The following C1orf87 variants were observed in gnomAD, a reference collection of about 807,000 sequenced individuals.
The protein encoded by C1orf87 is uncharacterized protein C1orf87.
C1orf87 carries 58 observed loss-of-function variants against 60.5 expected under a neutral mutation model. That is an observed-to-expected ratio of 0.96 (90% CI 0.78 to 1.19). The LOEUF (loss-of-function observed/expected upper bound fraction) is 1.19. C1orf87 is among the 50% of genes most tolerant of loss of function. The pLI, the probability that C1orf87 is intolerant of heterozygous loss-of-function variation, is 0.00. For missense variants in C1orf87, 673 were observed against 638.6 expected (o/e 1.05, Z -0.58); for synonymous variants, 236 against 227.4 (o/e 1.04, Z -0.34).
chr1:60,031,289 A>C lies in C1orf87; in HGVS notation c.1029+2187T>G, dbSNP rs535988743. Among the ~76,000 whole-genome samples the C allele has an allele frequency of 2.0e-5, 3 of 152,314 alleles. No individual in the cohort carries two copies. In the South Asian group the frequency reaches 6.2e-4, roughly 32 times the overall value. ...CTGGGGAAACAGAATTCTATTTCACATGCCTCCCAGAACTGTATTATGCTC... is the reference window on the plus strand; with the variant it reads ...CTGGGGAAACAGAATTCTATTTCACCTGCCTCCCAGAACTGTATTATGCTC... On this transcript the variant is annotated intron_variant, in intron 7 of 11. Transcript: ENST00000371201.
intron 3 of C1orf87, among the ~76,000 whole-genome samples, chr1:60,045,362 T>TA (rs1171606618): frequency 1.3e-5 from 2 of 152,202 alleles, no homozygotes; most frequent in African/African-American, 4.8e-5. Flanking sequence ...TTATATGTAA[T>TA]ATGTGATTTT....
At chr1:59,994,659 T>C (rs1482076075) in intron 11 of C1orf87, among the ~76,000 whole-genome samples, 2 of 152,174 alleles carry the variant, frequency 1.3e-5, no homozygotes, top group Admixed American at 6.5e-5. Flanking sequence ...TGACTAGTTA[T>C]TCATAATCAT....
At chr1:60,038,650 T>C (rs1645296232) in intron 5 of C1orf87, among the ~76,000 whole-genome samples, 1 of 151,844 alleles carries the variant, frequency 6.6e-6, no homozygotes, top group Admixed American at 6.5e-5. Context: ...CTCTCTCTCT[T>C]GTTCCTTCTC....
At chr1:59,990,867 A>C in intron 11 of C1orf87, 34 bp from the exon 12 acceptor site, 1 of 1,605,816 alleles carries the variant, frequency 6.2e-7, no homozygotes, top group Non-Finnish European at 8.5e-7. Context: ...AAGGTTTTTT[A>C]AAGAGGATGG....
chr1:60,016,086 T>C (rs975128738), intron 8 of C1orf87, among the ~76,000 whole-genome samples: 1 of 152,184 alleles, frequency 6.6e-6, no homozygotes, highest in African/African-American at 2.4e-5. Flanking sequence ...AATATAGCCA[T>C]ATTCTGAAGT....
chr1:60,073,086 T>C (rs115120928), intron 1 of C1orf87, among the ~76,000 whole-genome samples: 2,435 of 152,322 alleles, frequency 0.016, 24 homozygotes, highest in Non-Finnish European at 0.027. Context: ...AGTTCTGATG[T>C]TTAGTTTCCC....
chr1:60,035,634 C>T (rs1463325633), intron 6 of C1orf87, among the ~76,000 whole-genome samples: 1 of 152,228 alleles, frequency 6.6e-6, no homozygotes, highest in Non-Finnish European at 1.5e-5. Context: ...GAAAGCAGCA[C>T]CTTCTCTGAT....
chr1:60,062,121 A>G (rs1199757442), intron 2 of C1orf87, among the ~76,000 whole-genome samples: 1 of 152,118 alleles, frequency 6.6e-6, no homozygotes, highest in Non-Finnish European at 1.5e-5. Flanking sequence ...TCCTTTATTT[A>G]GTTTCGGTAA....
intron 3 of C1orf87, among the ~76,000 whole-genome samples, chr1:60,044,252 G>A (rs1373010915): frequency 1.3e-5 from 2 of 151,948 alleles, no homozygotes; most frequent in African/African-American, 4.8e-5. Context: ...GGATGGTCTC[G>A]AACTCCTGAC....
intron 3 of C1orf87, among the ~76,000 whole-genome samples, chr1:60,045,326 GA>G (rs1232898128): frequency 2.0e-5 from 3 of 151,762 alleles, no homozygotes; most frequent in African/African-American, 7.3e-5. Context: ...TGTAGACTTA[GA>G]AAAAAATGTA....
At chr1:60,010,371 C>CA (rs1277543011) in intron 9 of C1orf87, 21 bp downstream of exon 9, 3 of 1,605,924 alleles carry the variant, frequency 1.9e-6, no homozygotes, top group South Asian at 1.1e-5. Context: ...CTCTCTGGAG[C>CA]AAAAAAATAA....
At chr1:59,995,867 T>A (rs1039190700) in intron 11 of C1orf87, among the ~76,000 whole-genome samples, 1 of 152,188 alleles carries the variant, frequency 6.6e-6, no homozygotes, top group Non-Finnish European at 1.5e-5. Flanking sequence ...TTTAATTTTG[T>A]TTGTTTACTG....
intron 3 of C1orf87, 91 bp from the exon 4 acceptor site, chr1:60,041,222 C>G: frequency 8.6e-7 from 1 of 1,167,658 alleles, no homozygotes; most frequent in Non-Finnish European, 1.2e-6. Flanking sequence ...GTAAACCAAC[C>G]AATTTATTTA....
At chr1:60,030,523 G>A (rs1645230499) in intron 7 of C1orf87, among the ~76,000 whole-genome samples, 1 of 152,222 alleles carries the variant, frequency 6.6e-6, no homozygotes, top group Non-Finnish European at 1.5e-5. Context: ...ATGAAGCAAA[G>A]AGTAATTAAA....
At chr1:60,017,830 T>C (rs1645134405) in intron 8 of C1orf87, among the ~76,000 whole-genome samples, 1 of 152,162 alleles carries the variant, frequency 6.6e-6, no homozygotes, top group Admixed American at 6.5e-5. Flanking sequence ...TCTCTGCTAA[T>C]TGGTAGGCAA....
At chr1:59,992,503 CT>C (rs548196627) in intron 11 of C1orf87, among the ~76,000 whole-genome samples, 329 of 152,262 alleles carry the variant, frequency 2.2e-3, no homozygotes, top group Middle Eastern at 0.02. Flanking sequence ...AACCCTCCCC[CT>C]AATGCCTTTC....
intron 2 of C1orf87, among the ~76,000 whole-genome samples, chr1:60,064,692 T>C (rs1292181052): frequency 9.5e-6 from 1 of 105,650 alleles, no homozygotes; most frequent in Non-Finnish European, 1.8e-5. Context: ...TATTTATATA[T>C]AAATATATTA....
intron 8 of C1orf87, among the ~76,000 whole-genome samples, chr1:60,023,891 GT>G (rs1223656779): frequency 6.6e-6 from 1 of 152,124 alleles, no homozygotes; most frequent in Non-Finnish European, 1.5e-5. Context: ...GTTGTGAATT[GT>G]TTAGTGTTTT....
intron 3 of C1orf87, among the ~76,000 whole-genome samples, chr1:60,053,717 CTTAT>C (rs1447588396): frequency 6.6e-6 from 1 of 151,918 alleles, no homozygotes. Flanking sequence ...TATTTTTCTT[CTTAT>C]TTATATTCTC....
Sources: allele counts gnomAD v4.1 joint callset (sites outside exome capture counted in the v4.1 genomes callset), GRCh38; gene constraint gnomAD v4.1.1; transcripts MANE v1.5; gene names NCBI Gene and HGNC (gene_info 2026-07-23, HGNC 2026-07-21).